Variants in PRKN observed in about 807,000 individuals in gnomAD.
PRKN encodes the protein E3 ubiquitin-protein ligase parkin.
In PRKN, 56 loss-of-function variants were observed where a neutral mutation model predicts 59.5. That is an observed-to-expected ratio of 0.94 (90% confidence interval 0.76 to 1.18). The LOEUF (loss-of-function observed/expected upper bound fraction) is 1.18. PRKN is among the 50% of genes most tolerant of loss of function. The pLI is 0.00. For missense variants in PRKN, 657 were observed against 596.4 expected (o/e 1.10, Z -1.06); for synonymous variants, 250 against 222.1 (o/e 1.13, Z -1.12).
chr6:161,727,558 A>G (rs190173888), intron 7 of PRKN, among the ~76,000 whole-genome samples: 1 of 152,350 alleles, frequency 6.6e-6, no homozygotes, highest in Admixed American at 6.5e-5. Flanking sequence ...AGTCTGCAGC[A>G]TGACTTCCTG....
At chr6:161,571,951 A>G (rs13206609) in intron 7 of PRKN, among the ~76,000 whole-genome samples, 84,687 of 152,052 alleles carry the variant, frequency 0.56, 23,910 homozygotes, top group Middle Eastern at 0.64. Context: ...ACTGCAAGAC[A>G]TACACGACTC....
chr6:162,532,949 G>T (rs1315010202), intron 1 of PRKN, among the ~76,000 whole-genome samples: 2 of 152,168 alleles, frequency 1.3e-5, no homozygotes, highest in Non-Finnish European at 2.9e-5. Flanking sequence ...AAGCAGAAAA[G>T]ATGCAATAAT....
intron 4 of PRKN, among the ~76,000 whole-genome samples, chr6:162,157,735 T>C (rs1007721031): frequency 1.3e-5 from 2 of 152,072 alleles, no homozygotes; most frequent in African/African-American, 4.8e-5. Context: ...TAGATATTTC[T>C]GGGACTATAA....
At chr6:162,560,898 G>C (rs931578950) in intron 1 of PRKN, among the ~76,000 whole-genome samples, 3 of 102,336 alleles carry the variant, frequency 2.9e-5, no homozygotes, top group African/African-American at 1.1e-4. Context: ...GAAAATCTGT[G>C]AAGTTATAAA....
chr6:161,973,227 AG>A (rs1250505262), intron 6 of PRKN, 74 bp downstream of exon 6: 5 of 930,884 alleles, frequency 5.4e-6, no homozygotes, highest in South Asian at 5.3e-5. Flanking sequence ...GAAAGTAAGG[AG>A]GGGGGAGTGA....
chr6:161,532,814 G>A (rs1352071775), intron 9 of PRKN, among the ~76,000 whole-genome samples: 1 of 152,052 alleles, frequency 6.6e-6, no homozygotes, highest in African/African-American at 2.4e-5. Context: ...GGCTGTCACT[G>A]TCCACCCTTT....
At chr6:161,833,091 C>T (rs1180691905) in intron 6 of PRKN, among the ~76,000 whole-genome samples, 1 of 152,198 alleles carries the variant, frequency 6.6e-6, no homozygotes, top group Non-Finnish European at 1.5e-5. Flanking sequence ...AATGCAACGT[C>T]TACTGTGTGC....
intron 6 of PRKN, among the ~76,000 whole-genome samples, chr6:161,947,770 T>C (rs1029051338): frequency 1.3e-5 from 2 of 152,210 alleles, no homozygotes; most frequent in Non-Finnish European, 2.9e-5. Flanking sequence ...GCTGCCTTCA[T>C]AGATTTAAAA....
At chr6:161,799,936 T>G (rs1255810899) in intron 6 of PRKN, among the ~76,000 whole-genome samples, 1 of 152,058 alleles carries the variant, frequency 6.6e-6, no homozygotes, top group Non-Finnish European at 1.5e-5. Context: ...GGGGTTAGTG[T>G]TTTGGGGACA....
At chr6:162,533,325 A>T (rs1238655893) in intron 1 of PRKN, among the ~76,000 whole-genome samples, 3 of 152,130 alleles carry the variant, frequency 2.0e-5, no homozygotes, top group African/African-American at 7.2e-5. Flanking sequence ...GGAGTTCGAG[A>T]CCAGCATGGC....
At chr6:161,962,590 G>A (rs1015151594) in intron 6 of PRKN, among the ~76,000 whole-genome samples, 1 of 150,414 alleles carries the variant, frequency 6.6e-6, no homozygotes, top group African/African-American at 2.5e-5. Flanking sequence ...ATCCAGGCTG[G>A]CAGTGGCACA....
intron 7 of PRKN, among the ~76,000 whole-genome samples, chr6:161,768,197 C>T (rs576753772): frequency 6.6e-6 from 1 of 152,052 alleles, no homozygotes; most frequent in East Asian, 1.9e-4. Flanking sequence ...TTCTGAAAGT[C>T]CTTCAAGACA....
At chr6:161,749,904 C>T (rs1788604063) in intron 7 of PRKN, among the ~76,000 whole-genome samples, 1 of 152,088 alleles carries the variant, frequency 6.6e-6, no homozygotes, top group African/African-American at 2.4e-5. Context: ...AACAAAAACT[C>T]AACAGATTTT....
intron 5 of PRKN, among the ~76,000 whole-genome samples, chr6:162,052,040 T>C (rs1339260125): frequency 6.6e-6 from 1 of 152,170 alleles, no homozygotes; most frequent in African/African-American, 2.4e-5. Context: ...TGTTATTAGA[T>C]GAGATCGGGC....
chr6:161,528,497 T>C (rs780120642), intron 9 of PRKN, among the ~76,000 whole-genome samples: 1 of 152,176 alleles, frequency 6.6e-6, no homozygotes, highest in Non-Finnish European at 1.5e-5. Context: ...AGAACTCCCA[T>C]TGAGAAAAGA....
intron 1 of PRKN, among the ~76,000 whole-genome samples, chr6:162,484,908 T>C (rs1361995722): frequency 1.3e-5 from 2 of 152,252 alleles, no homozygotes; most frequent in Non-Finnish European, 2.9e-5. Flanking sequence ...TTACATTGTT[T>C]ATATCATTTT....
intron 1 of PRKN, among the ~76,000 whole-genome samples, chr6:162,657,972 A>T (rs1307183358): frequency 6.6e-6 from 1 of 152,234 alleles, no homozygotes; most frequent in Non-Finnish European, 1.5e-5. Context: ...ATTCTTAAAA[A>T]ATATAATACT....
intron 2 of PRKN, among the ~76,000 whole-genome samples, chr6:162,401,802 A>G (rs1787806392): frequency 6.6e-6 from 1 of 152,190 alleles, no homozygotes; most frequent in Non-Finnish European, 1.5e-5. Context: ...ACTTGAAGTA[A>G]ATGAACAACT....
chr6:161,491,016 C>T (rs543495629), intron 9 of PRKN, among the ~76,000 whole-genome samples: 208 of 152,302 alleles, frequency 1.4e-3, no homozygotes, highest in Non-Finnish European at 2.0e-3. Context: ...CATCATGCTT[C>T]CTATCCAGCC....
Sources: allele counts gnomAD v4.1 joint callset (sites outside exome capture counted in the v4.1 genomes callset), GRCh38; gene constraint gnomAD v4.1.1; transcripts MANE v1.5; gene names NCBI Gene and HGNC (gene_info 2026-07-23, HGNC 2026-07-21).